ASAP1: variants seen among roughly 807,000 people sequenced by gnomAD.
The protein encoded by ASAP1 is ArfGAP with SH3 domain, ankyrin repeat and PH domain 1.
In ASAP1, 43 loss-of-function variants were observed where a neutral mutation model predicts 145.2. That is an observed-to-expected ratio of 0.30 (90% CI 0.23 to 0.38). ASAP1 has a LOEUF of 0.38. ASAP1 is among the 10% of genes least tolerant of loss of function. The pLI is 1.00. For missense variants in ASAP1, 1,018 were observed against 1,355.3 expected (o/e 0.75, Z 3.91); for synonymous variants, 546 against 515.5 (o/e 1.06, Z -0.80).
chr8:130,167,281 G>C (rs1317070674), intron 11 of ASAP1, among the ~76,000 whole-genome samples: 1 of 149,744 alleles, frequency 6.7e-6, no homozygotes, highest in East Asian at 2.0e-4. Flanking sequence ...GGGTGACAGA[G>C]TGAGACCCTG....
At chr8:130,189,964 T>C (rs1259211502) in intron 5 of ASAP1, among the ~76,000 whole-genome samples, 1 of 152,200 alleles carries the variant, frequency 6.6e-6, no homozygotes, top group Non-Finnish European at 1.5e-5. Context: ...TTGAGAAATA[T>C]ATATTCAGAT....
chr8:130,104,990 T>G (rs569805516), intron 24 of ASAP1, among the ~76,000 whole-genome samples: 1 of 152,208 alleles, frequency 6.6e-6, no homozygotes, highest in Non-Finnish European at 1.5e-5. Flanking sequence ...GTTATATCTA[T>G]CCAACTTGGG....
At chr8:130,253,747 T>C (rs888333390) in intron 3 of ASAP1, among the ~76,000 whole-genome samples, 1 of 152,180 alleles carries the variant, frequency 6.6e-6, no homozygotes, top group Non-Finnish European at 1.5e-5. Context: ...GTACAAAAGT[T>C]TGGGCACCAC....
intron 3 of ASAP1, among the ~76,000 whole-genome samples, chr8:130,291,130 C>T (rs1337001803): frequency 1.3e-5 from 2 of 152,074 alleles, no homozygotes; most frequent in Non-Finnish European, 2.9e-5. Flanking sequence ...TATTCACATA[C>T]CCCTCCAGCC....
chr8:130,069,196 AG>A (rs2097436604), intron 27 of ASAP1, among the ~76,000 whole-genome samples: 1 of 152,252 alleles, frequency 6.6e-6, no homozygotes, highest in East Asian at 1.9e-4. Context: ...ATGGTTATTA[AG>A]AAATGGAATG....
At chr8:130,141,436 C>T (rs2097610842) in intron 13 of ASAP1, among the ~76,000 whole-genome samples, 3 of 152,318 alleles carry the variant, frequency 2.0e-5, no homozygotes, top group Admixed American at 2.0e-4. Context: ...AGCACCTCCT[C>T]AGAGGAGGCG....
intron 24 of ASAP1, among the ~76,000 whole-genome samples, chr8:130,107,370 A>T (rs577817678): frequency 1.2e-3 from 189 of 151,734 alleles, no homozygotes; most frequent in African/African-American, 4.4e-3. Context: ...TATTTTTAGT[A>T]GAGACAGGGT....
chr8:130,092,595 C>T (rs1198735729), intron 24 of ASAP1, among the ~76,000 whole-genome samples: 1 of 152,134 alleles, frequency 6.6e-6, no homozygotes, highest in Non-Finnish European at 1.5e-5. Flanking sequence ...CCACTGCGCT[C>T]CAGCCTAGGC....
chr8:130,152,406 T>G (rs928552096), intron 13 of ASAP1, among the ~76,000 whole-genome samples: 2 of 152,168 alleles, frequency 1.3e-5, no homozygotes, highest in African/African-American at 4.8e-5. Flanking sequence ...TCCTACATTA[T>G]TTTTACATGC....
intron 9 of ASAP1, among the ~76,000 whole-genome samples, chr8:130,178,104 T>C (rs1814091942): frequency 6.6e-6 from 1 of 152,254 alleles, no homozygotes; most frequent in South Asian, 2.1e-4. Context: ...TGAATACAGG[T>C]ATCTTTCTAA....
At chr8:130,333,676 T>C (rs1170888560) in intron 3 of ASAP1, among the ~76,000 whole-genome samples, 1 of 152,218 alleles carries the variant, frequency 6.6e-6, no homozygotes, top group Non-Finnish European at 1.5e-5. Flanking sequence ...TGGCAGGGCA[T>C]ATTGCCATCA....
intron 3 of ASAP1, among the ~76,000 whole-genome samples, chr8:130,306,969 C>T (rs1293197783): frequency 6.6e-6 from 1 of 152,160 alleles, no homozygotes. Context: ...TTGTGCCTGG[C>T]CAACTCTTCT....
intron 27 of ASAP1, among the ~76,000 whole-genome samples, chr8:130,071,435 T>A (rs140363624): frequency 1.2e-3 from 178 of 152,354 alleles, no homozygotes; most frequent in African/African-American, 4.2e-3. Flanking sequence ...AATAGCTCAT[T>A]GGTTCTGCAT....
At chr8:130,329,533 T>G (rs1824548557) in intron 3 of ASAP1, among the ~76,000 whole-genome samples, 1 of 151,984 alleles carries the variant, frequency 6.6e-6, no homozygotes, top group African/African-American at 2.4e-5. Context: ...GAAAGTGGCA[T>G]GGGTGGGTGG....
intron 23 of ASAP1, among the ~76,000 whole-genome samples, chr8:130,114,523 CA>C (rs1223878173): frequency 6.6e-6 from 1 of 152,156 alleles, no homozygotes; most frequent in Non-Finnish European, 1.5e-5. Flanking sequence ...CATTTTTATA[CA>C]ACTCAGTGCA....
chr8:130,060,510 A>T, intron 28 of ASAP1, 69 bp downstream of exon 28: 1 of 1,520,516 alleles, frequency 6.6e-7, no homozygotes. Context: ...AAGTTGGAGC[A>T]CCTGCCCTCC....
chr8:130,164,445 G>T (rs2097675914), intron 11 of ASAP1, among the ~76,000 whole-genome samples: 1 of 152,090 alleles, frequency 6.6e-6, no homozygotes, highest in Non-Finnish European at 1.5e-5. Flanking sequence ...ATAAAAATTA[G>T]CCAGGCGTGG....
At chr8:130,278,432 T>C (rs1346436060) in intron 3 of ASAP1, among the ~76,000 whole-genome samples, 3 of 152,242 alleles carry the variant, frequency 2.0e-5, no homozygotes, top group Non-Finnish European at 4.4e-5. Flanking sequence ...CTGCACTTTT[T>C]GTTGACATCA....
At chr8:130,422,816 C>T (rs1175600851) in intron 1 of ASAP1, among the ~76,000 whole-genome samples, 1 of 152,202 alleles carries the variant, frequency 6.6e-6, no homozygotes. Context: ...GGACTTGGAG[C>T]AAGCCAGTAA....
Sources: allele counts gnomAD v4.1 joint callset (sites outside exome capture counted in the v4.1 genomes callset), GRCh38; gene constraint gnomAD v4.1.1; transcripts MANE v1.5; gene names NCBI Gene and HGNC (gene_info 2026-07-23, HGNC 2026-07-21).